The following LRBA variants were observed in gnomAD, a reference collection of about 807,000 sequenced individuals.
LRBA encodes LPS responsive beige-like anchor protein, also known as lipopolysaccharide-responsive and beige-like anchor protein.
Under a neutral mutation model 330.0 loss-of-function variants are expected in LRBA, and 176 were observed. The observed-to-expected ratio is 0.53, with a 90% CI of 0.47 to 0.60. The LOEUF is 0.60. Ranked by LOEUF, LRBA falls within the 20% of genes least tolerant of loss-of-function variation. LRBA has a pLI of 0.00. For synonymous variants in LRBA, 1,230 were observed against 1,193.0 expected, an observed-to-expected ratio of 1.03 and a Z score of -0.64; for missense variants, 3,259 against 3,444.8, an observed-to-expected ratio of 0.95 and a Z score of 1.35.
chr4:150,439,063 T>C (rs1751493461), intron 44 of LRBA, among the ~76,000 whole-genome samples: 1 of 152,176 alleles, frequency 6.6e-6, no homozygotes, highest in Non-Finnish European at 1.5e-5. Flanking sequence ...CAGAACCAAT[T>C]TGAAATGCCT....
At chr4:150,633,780 A>G (rs908223926) in intron 37 of LRBA, among the ~76,000 whole-genome samples, 2 of 152,176 alleles carry the variant, frequency 1.3e-5, no homozygotes, top group Non-Finnish European at 2.9e-5. Context: ...TTCCAGCTAT[A>G]TAACCTTTCT....
At chr4:150,376,677 T>G (rs1408997966) in intron 47 of LRBA, among the ~76,000 whole-genome samples, 2 of 152,034 alleles carry the variant, frequency 1.3e-5, no homozygotes, top group African/African-American at 4.8e-5. Flanking sequence ...AAATAACAAA[T>G]AAGTTTTTAA....
intron 48 of LRBA, among the ~76,000 whole-genome samples, chr4:150,332,771 C>A (rs1444196055): frequency 6.6e-6 from 1 of 152,062 alleles, no homozygotes; most frequent in African/African-American, 2.4e-5. Context: ...AGGCAGCATT[C>A]CAGATGTTGA....
chr4:150,779,852 T>C (rs918917052), intron 34 of LRBA, among the ~76,000 whole-genome samples: 1 of 152,148 alleles, frequency 6.6e-6, no homozygotes, highest in Non-Finnish European at 1.5e-5. Flanking sequence ...TACACCAGTT[T>C]AAAAGAATAA....
Position 150,844,561 on chromosome 4 carries a change from C to T in LRBA, c.4461+97G>A, listed in dbSNP as rs150451187. On this transcript the variant is annotated intron_variant, in intron 27 of 56. Coordinates refer to ENST00000651943, the MANE Select transcript of LRBA (RefSeq NM_001364905.1). ...CCTAAAGTAACTATTTTAATCTCTG[C>T]CAGATTTATTTAACTTTATGTTGAA... The T allele has an allele frequency of 9.9e-4, 1,105 of 1,114,252 alleles. 9 individuals are homozygous for T. In the African/African-American group the frequency reaches 0.016, roughly 16 times the overall value. The allele number at this position is 1,114,252 out of a possible 1,614,324, so 69.0% of individuals were successfully genotyped here.
chr4:150,482,906 T>C (rs942785394), intron 42 of LRBA, among the ~76,000 whole-genome samples: 6 of 152,048 alleles, frequency 3.9e-5, no homozygotes, highest in Non-Finnish European at 7.4e-5. Context: ...TTCCTACATA[T>C]CCTGGATGTA....
intron 44 of LRBA, among the ~76,000 whole-genome samples, chr4:150,446,175 G>T (rs1362229421): frequency 6.6e-6 from 1 of 152,036 alleles, no homozygotes; most frequent in Admixed American, 6.6e-5. Context: ...AAGGGTAAGG[G>T]GAAAATCGAT....
intron 37 of LRBA, among the ~76,000 whole-genome samples, chr4:150,651,804 A>G (rs1372402798): frequency 6.6e-6 from 1 of 152,156 alleles, no homozygotes; most frequent in East Asian, 1.9e-4. Context: ...GTGAGTCATG[A>G]AACAGTGCCC....
Position 150,916,704 on chromosome 4 carries a change from T to C in LRBA, c.680A>G (p.Tyr227Cys), listed in dbSNP as rs747679514. 2 of 1,591,634 alleles carry C rather than the reference T, an allele frequency of 1.3e-6. No homozygotes were observed. The highest frequency in any genetic ancestry group is 1.7e-6 in the Non-Finnish European group (2 of 1,172,726). The change falls in exon 6 of 57, where the codon TAC becomes TGC. Residue 227 changes from tyrosine to cysteine, a missense_variant. By Grantham distance (194) the Tyr-to-Cys change is radical. Transcript: ENST00000651943. ...TGTATGAAATGTAAAACCATTCTGG[T>C]ATGGCCATTTGGCTATAGGAGGTAA... Reference protein sequence around the residue: ...IALPPIAKWPYQNGFTFHTWL... With the variant: ...IALPPIAKWPCQNGFTFHTWL...
chr4:150,720,169 G>A (rs1728741380), intron 36 of LRBA, among the ~76,000 whole-genome samples: 1 of 152,018 alleles, frequency 6.6e-6, no homozygotes, highest in South Asian at 2.1e-4. Context: ...TATCTGCACA[G>A]AGCATTCTAA....
At chr4:150,289,554 A>G (rs772499996) in intron 53 of LRBA, among the ~76,000 whole-genome samples, 2 of 152,184 alleles carry the variant, frequency 1.3e-5, no homozygotes, top group African/African-American at 4.8e-5. Flanking sequence ...TCCAGTAAAA[A>G]GACAGCGCTA....
At chr4:150,459,149 G>A (rs564910247) in intron 44 of LRBA, among the ~76,000 whole-genome samples, 8 of 151,930 alleles carry the variant, frequency 5.3e-5, no homozygotes, top group Non-Finnish European at 7.4e-5. Context: ...CTTAGCTGCC[G>A]CAGTTCTAAT....
chr4:150,548,656 A>T (rs1210220599), intron 40 of LRBA, among the ~76,000 whole-genome samples: 1 of 152,206 alleles, frequency 6.6e-6, no homozygotes, highest in East Asian at 1.9e-4. Flanking sequence ...AAGAAATGCA[A>T]TTAATTTTAA....
intron 22 of LRBA, among the ~76,000 whole-genome samples, chr4:150,860,288 T>C (rs919978808): frequency 8.5e-5 from 13 of 152,298 alleles, no homozygotes; most frequent in Admixed American, 4.6e-4. Context: ...GTTTTCCCTC[T>C]CATAAGTAAT....
In LRBA at chr4:150,850,916, T is replaced by G. The variant is rs1346661640; in HGVS notation, c.3826-14A>C. On this transcript the variant is annotated splice_polypyrimidine_tract_variant and intron_variant, in intron 23 of 56. Transcript: ENST00000651943. ...TTGCCTTGATATCTAATACAGAAAT[T>G]TAAAAAGTAATAAAATAGGTTCAAC... 1.3e-6 allele frequency: 2 copies of G among 1,586,358 alleles called. No homozygotes were observed. The highest frequency in any genetic ancestry group is 2.3e-5 in the South Asian group (2 of 86,844).
chr4:150,918,684 G>A (rs1320621006), intron 5 of LRBA, among the ~76,000 whole-genome samples: 1 of 152,222 alleles, frequency 6.6e-6, no homozygotes, highest in African/African-American at 2.4e-5. Flanking sequence ...GGGAGGCAGA[G>A]GTTGCAGGGA....
At chr4:150,401,068 G>A (rs1308906493) in intron 47 of LRBA, among the ~76,000 whole-genome samples, 1 of 152,182 alleles carries the variant, frequency 6.6e-6, no homozygotes, top group African/African-American at 2.4e-5. Flanking sequence ...TTTATAGAAA[G>A]GGGAAAATGT....
chr4:150,903,865 A>C (rs1731028198), intron 13 of LRBA, among the ~76,000 whole-genome samples: 1 of 152,208 alleles, frequency 6.6e-6, no homozygotes, highest in Non-Finnish European at 1.5e-5. Context: ...TTGTGTGTTA[A>C]CATCTGTCTT....
rs533636918 is a variant in LRBA, at chr4:150,531,006, C to T, written c.6331-39971G>A. 1.0e-3 allele frequency among the ~76,000 whole-genome samples: 155 copies of T among 152,150 alleles called. 1 individual carries two copies. The highest frequency in any genetic ancestry group is 2.9e-3 in the African/African-American group (120 of 41,516). ...CCTGAATTTCCATATGCCCCAACTC[C>T]CAAGCCAATTTTACCCAGTGTTATT... is the stretch of plus-strand genomic sequence containing the variant. On this transcript the variant is annotated intron_variant, in intron 40 of 56. Coordinates refer to ENST00000651943, the MANE Select transcript of LRBA (RefSeq NM_001364905.1).
Sources: gnomAD v4.1 joint callset for allele counts (sites outside exome capture counted in the v4.1 genomes callset) on GRCh38, gnomAD v4.1.1 for gene constraint, MANE v1.5 for transcripts, NCBI Gene and HGNC (gene_info 2026-07-23, HGNC 2026-07-21) for gene names.